The following CNTN1 variants were observed in gnomAD, a reference collection of about 807,000 sequenced individuals.
The protein encoded by CNTN1 is contactin-1.
In CNTN1, 38 loss-of-function variants were observed where a neutral mutation model predicts 126.4. The ratio of observed to expected loss-of-function variants is 0.30; its 90% CI spans 0.23 to 0.39. The LOEUF is 0.39. Ranked by LOEUF, CNTN1 falls within the 10% of genes least tolerant of loss-of-function variation. The pLI, the probability that CNTN1 is intolerant of heterozygous loss-of-function variation, is 1.00. For synonymous variants in CNTN1, 413 were observed against 422.6 expected, an observed-to-expected ratio of 0.98 and a Z score of 0.28; for missense variants, 1,009 against 1,248.4, an observed-to-expected ratio of 0.81 and a Z score of 2.89.
intron 1 of CNTN1, among the ~76,000 whole-genome samples, chr12:40,891,577 T>C (rs1380373627): frequency 6.6e-6 from 1 of 152,138 alleles, no homozygotes; most frequent in African/African-American, 2.4e-5. Flanking sequence ...GTAAGGTACG[T>C]AGCTAAATTT....
Position 40,872,207 on chromosome 12 carries a change from T to TG in CNTN1, c.-76-36150_-76-36149insG, listed in dbSNP as rs1491128117. On this transcript the variant is annotated intron_variant, in intron 1 of 23. Transcript: ENST00000551295. ...GATTTCGGTAGGGTTTTTCCGTTGC[T>TG]TTGTTTGTGTGTGTGTGTGTGTGTG... Among the ~76,000 whole-genome samples, 277 of 82,490 alleles carry TG rather than the reference T, an allele frequency of 3.4e-3. 2 individuals are homozygous for TG. The highest frequency in any genetic ancestry group is 0.016 in the African/African-American group (257 of 15,962). 54.1% of individuals were successfully genotyped at this position (82,490 alleles called of 152,430 possible). A position where few individuals can be genotyped will look rare whatever the true frequency, so the allele number is the denominator to read the frequency against.
At chr12:41,054,443 AAT>A (rs1352548926) in intron 23 of CNTN1, among the ~76,000 whole-genome samples, 1 of 152,008 alleles carries the variant, frequency 6.6e-6, no homozygotes, top group Non-Finnish European at 1.5e-5. Flanking sequence ...CAAGATGAAA[AAT>A]CATGGTGAAA....
intron 1 of CNTN1, among the ~76,000 whole-genome samples, chr12:40,844,209 A>G (rs1412902771): frequency 1.3e-5 from 2 of 151,716 alleles, no homozygotes; most frequent in Non-Finnish European, 2.9e-5. Context: ...CTGGGTCTAC[A>G]GGCATGCGCC....
At chr12:40,998,476 C>T (rs1948275629) in intron 17 of CNTN1, among the ~76,000 whole-genome samples, 1 of 152,082 alleles carries the variant, frequency 6.6e-6, no homozygotes, top group African/African-American at 2.4e-5. Flanking sequence ...TCTGATGAGA[C>T]ATAACTATCT....
intron 1 of CNTN1, among the ~76,000 whole-genome samples, chr12:40,848,080 C>A (rs1330007567): frequency 6.6e-6 from 1 of 152,206 alleles, no homozygotes; most frequent in African/African-American, 2.4e-5. Context: ...TAACAGGCCA[C>A]AGACCCATAC....
chr12:40,768,325 C>A (rs990226934), intron 1 of CNTN1, among the ~76,000 whole-genome samples: 6 of 152,190 alleles, frequency 3.9e-5, no homozygotes, highest in African/African-American at 1.4e-4. Flanking sequence ...ACCGCGAGCC[C>A]GCAGATCTTT....
chr12:40,808,759 C>T (rs983550785), intron 1 of CNTN1, among the ~76,000 whole-genome samples: 7 of 151,996 alleles, frequency 4.6e-5, no homozygotes, highest in Admixed American at 2.0e-4. Context: ...GACTCACAGC[C>T]CACATCAGTG....
At chr12:40,904,018 C>T (rs1449800336) in intron 1 of CNTN1, among the ~76,000 whole-genome samples, 3 of 152,124 alleles carry the variant, frequency 2.0e-5, no homozygotes, top group Non-Finnish European at 2.9e-5. Context: ...CTTTCTTTCT[C>T]GTCTCTTCTC....
chr12:40,794,094 A>C (rs1245049946), intron 1 of CNTN1, among the ~76,000 whole-genome samples: 1 of 152,058 alleles, frequency 6.6e-6, no homozygotes, highest in African/African-American at 2.4e-5. Flanking sequence ...AAAATAAGAA[A>C]TTTAGTTTAA....
chr12:40,797,877 C>T (rs1940500790), intron 1 of CNTN1, among the ~76,000 whole-genome samples: 1 of 151,958 alleles, frequency 6.6e-6, no homozygotes, highest in Non-Finnish European at 1.5e-5. Flanking sequence ...AGACTGGTCC[C>T]ATTAACGAGA....
chr12:40,893,196 ATAGTC>A (rs1944301039), intron 1 of CNTN1, among the ~76,000 whole-genome samples: 1 of 152,054 alleles, frequency 6.6e-6, no homozygotes, highest in African/African-American at 2.4e-5. Flanking sequence ...ATCACTCTGC[ATAGTC>A]ATGTTAGGAG....
intron 1 of CNTN1, among the ~76,000 whole-genome samples, chr12:40,877,232 A>G (rs567857193): frequency 1.3e-5 from 2 of 152,318 alleles, no homozygotes; most frequent in East Asian, 3.9e-4. Flanking sequence ...TTTTCCACAG[A>G]AAAGTTTGAA....
At chr12:41,030,850 T>C (rs1272469417) in intron 23 of CNTN1, among the ~76,000 whole-genome samples, 1 of 152,168 alleles carries the variant, frequency 6.6e-6, no homozygotes, top group African/African-American at 2.4e-5. Context: ...CAGGGGAAAA[T>C]AGAATTTTCT....
At chr12:40,987,292 A>G (rs1396542005) in intron 16 of CNTN1, among the ~76,000 whole-genome samples, 1 of 152,200 alleles carries the variant, frequency 6.6e-6, no homozygotes, top group Non-Finnish European at 1.5e-5. Context: ...AGTGTTCCAA[A>G]GATTAAATTT....
At chr12:40,710,102 T>C (rs903257463) in intron 1 of CNTN1, among the ~76,000 whole-genome samples, 2 of 152,160 alleles carry the variant, frequency 1.3e-5, no homozygotes, top group Non-Finnish European at 2.9e-5. Flanking sequence ...TCCTTTCAAT[T>C]GAACACTTGG....
At chr12:40,937,007 C>A in intron 10 of CNTN1, 102 bp downstream of exon 10, 1 of 1,415,792 alleles carries the variant, frequency 7.1e-7, no homozygotes, top group Non-Finnish European at 1.0e-6. Context: ...ACAGAAAGGG[C>A]ACTTGGGCCC....
intron 1 of CNTN1, among the ~76,000 whole-genome samples, chr12:40,808,859 C>G (rs935713689): frequency 6.6e-6 from 1 of 152,132 alleles, no homozygotes; most frequent in Admixed American, 6.5e-5. Context: ...AGGTATTATT[C>G]TTTGAATTCA....
chr12:40,801,536 G>A (rs1819648982), intron 1 of CNTN1, among the ~76,000 whole-genome samples: 1 of 151,872 alleles, frequency 6.6e-6, no homozygotes, highest in African/African-American at 2.4e-5. Context: ...TAGTAAAGAA[G>A]ATACAACCTC....
At position 40,866,355 on chromosome 12, in the gene CNTN1, G is replaced by A. The variant is rs560879463; in HGVS notation, c.-76-42002G>A. On this transcript the variant is annotated intron_variant, in intron 1 of 23. Coordinates refer to ENST00000551295, the MANE Select transcript of CNTN1 (RefSeq NM_001843.4). The stretch of plus-strand genomic sequence containing the variant: ...AGAACTTTCAGTAAAATGTTCAGTA[G>A]AAGTGGTGAAAGAGACATCTTTGTC... 3.9e-5 allele frequency among the ~76,000 whole-genome samples: 6 copies of A among 152,174 alleles called. No individual in the cohort carries two copies. In the East Asian group the frequency reaches 9.7e-4, roughly 25 times the overall value.
Sources: allele counts gnomAD v4.1 joint callset (sites outside exome capture counted in the v4.1 genomes callset), GRCh38; gene constraint gnomAD v4.1.1; transcripts MANE v1.5; gene names NCBI Gene and HGNC (gene_info 2026-07-23, HGNC 2026-07-21).